The following WDFY2 variants were observed in gnomAD, a reference collection of about 807,000 sequenced individuals.
WDFY2 encodes the protein WD repeat and FYVE domain containing 2, also known as WD repeat and FYVE domain-containing protein 2.
Under a neutral mutation model 56.4 loss-of-function variants are expected in WDFY2, and 36 were observed. The ratio of observed to expected loss-of-function variants is 0.64; its 90% CI spans 0.49 to 0.84. WDFY2 has a LOEUF of 0.84. Ranked by LOEUF, WDFY2 falls within the 40% of genes least tolerant of loss-of-function variation. The pLI is 0.00. For synonymous variants in WDFY2, 176 were observed against 183.7 expected, an observed-to-expected ratio of 0.96 and a Z score of 0.34; for missense variants, 444 against 512.2, an observed-to-expected ratio of 0.87 and a Z score of 1.29.
intron 1 of WDFY2, among the ~76,000 whole-genome samples, chr13:51,621,768 T>G (rs966577877): frequency 3.9e-5 from 6 of 152,194 alleles, no homozygotes; most frequent in African/African-American, 1.4e-4. Flanking sequence ...TCAGAAAAAA[T>G]GCAGTTAAGA....
chr13:51,750,349 T>C (rs565523824), intron 7 of WDFY2, among the ~76,000 whole-genome samples: 9 of 152,142 alleles, frequency 5.9e-5, no homozygotes, highest in Admixed American at 5.9e-4. Flanking sequence ...CAGCAAGAGG[T>C]GAAGGCTTTT....
Position 51,703,591 on chromosome 13 carries a change from T to C in WDFY2, c.280-5T>C, listed in dbSNP as rs1322379121. On this transcript the variant is annotated splice_polypyrimidine_tract_variant and splice_region_variant and intron_variant, in intron 3 of 11. Transcript: ENST00000298125. Reference sequence around the variant, plus strand: ...TTTGTTTAATAGTTTTCTTTTCTTTTACAGGAGTTTATATTGTCAGAAGAT... The same window carrying C: ...TTTGTTTAATAGTTTTCTTTTCTTTCACAGGAGTTTATATTGTCAGAAGAT... The C allele has an allele frequency of 1.3e-6, 2 of 1,594,796 alleles. No individual in the cohort carries two copies. Among genetic ancestry groups the C allele is most frequent in the East Asian group, 2.2e-5 (1 of 44,644 alleles).
In WDFY2 at chr13:51,755,473, A is replaced by G. The variant is rs143718489; in HGVS notation, c.933+14A>G. On this transcript the variant is annotated intron_variant, in intron 9 of 11. Coordinates refer to ENST00000298125, the MANE Select transcript of WDFY2 (RefSeq NM_052950.4). Reference sequence around the variant, plus strand: ...GGTCTAAGACAGGTGAGTGATATGGATGCTTCATCAAAATGTAATTATATG... The same window carrying G: ...GGTCTAAGACAGGTGAGTGATATGGGTGCTTCATCAAAATGTAATTATATG... 269 of 1,607,426 alleles carry G rather than the reference A, an allele frequency of 1.7e-4. No homozygotes were observed. The African/African-American group carries it at 3.0e-3, about 18-fold the overall frequency.
At chr13:51,615,889 T>G (rs988849024) in intron 1 of WDFY2, among the ~76,000 whole-genome samples, 1 of 152,256 alleles carries the variant, frequency 6.6e-6, no homozygotes, top group African/African-American at 2.4e-5. Context: ...GTGTGTGTTT[T>G]GCAAGGATGG....
intron 2 of WDFY2, among the ~76,000 whole-genome samples, chr13:51,670,362 A>G (rs1470664891): frequency 6.6e-6 from 1 of 152,172 alleles, no homozygotes; most frequent in African/African-American, 2.4e-5. Context: ...AGGCATCAAT[A>G]TTCTTTTGAA....
rs201550578 is a variant in WDFY2 at position 51,629,798 on chromosome 13, AT to A, written c.138-30789del. On this transcript the variant is annotated intron_variant, in intron 1 of 11. Coordinates refer to ENST00000298125, the MANE Select transcript of WDFY2 (RefSeq NM_052950.4). ...AGTAACGGTTCTCTTTAGTTCTTTG[AT>A]TTTTTTTTCTTTTCTTTCTTTCTTT... Among the ~76,000 whole-genome samples the A allele has an allele frequency of 2.6e-3, 282 of 109,962 alleles. 2 individuals are homozygous for A. Among genetic ancestry groups the A allele is most frequent in the African/African-American group, 9.0e-3 (269 of 29,860 alleles). 72.1% of individuals were successfully genotyped at this position (109,962 alleles called of 152,430 possible). A position where few individuals can be genotyped will look rare whatever the true frequency, so the allele number is the denominator to read the frequency against.
At chr13:51,704,377 TG>T (rs1952043380) in intron 4 of WDFY2, among the ~76,000 whole-genome samples, 1 of 152,240 alleles carries the variant, frequency 6.6e-6, no homozygotes, top group Non-Finnish European at 1.5e-5. Context: ...GAGTGTCTAT[TG>T]TGTTCTGGTA....
In WDFY2 at chr13:51,607,540, G is replaced by GTT. The variant is rs377054774; in HGVS notation, c.137+22725_137+22726dup. Reference sequence around the variant, plus strand: ...ATTACAAGAAATATCAAAGTTGAGTGTTTTTTTTTTCTTTCTGAGTCATAC... The same window carrying GTT: ...ATTACAAGAAATATCAAAGTTGAGTGTTTTTTTTTTTTCTTTCTGAGTCATAC... On this transcript the variant is annotated intron_variant, in intron 1 of 11. Coordinates refer to ENST00000298125, the MANE Select transcript of WDFY2 (RefSeq NM_052950.4). Among the ~76,000 whole-genome samples the GTT allele has an allele frequency of 1.4e-5, 2 of 147,838 alleles. 1 individual carries two copies. Among genetic ancestry groups the GTT allele is most frequent in the South Asian group, 4.3e-4 (2 of 4,698 alleles).
chr13:51,670,901 C>G (rs990694911), intron 2 of WDFY2, among the ~76,000 whole-genome samples: 24 of 152,126 alleles, frequency 1.6e-4, no homozygotes, highest in Admixed American at 1.2e-3. Context: ...TCCCCAAACT[C>G]CCTTGTATTA....
chr13:51,729,426 A>C (rs909933220), intron 6 of WDFY2, among the ~76,000 whole-genome samples: 2 of 151,780 alleles, frequency 1.3e-5, no homozygotes, highest in African/African-American at 2.4e-5. Flanking sequence ...AAAAAAAAAA[A>C]ACCACATATT....
At chr13:51,692,514 T>C (rs1951763433) in intron 3 of WDFY2, among the ~76,000 whole-genome samples, 1 of 152,252 alleles carries the variant, frequency 6.6e-6, no homozygotes, top group Non-Finnish European at 1.5e-5. Flanking sequence ...TTGCGTATAT[T>C]GAACCAGCCT....
intron 4 of WDFY2, among the ~76,000 whole-genome samples, chr13:51,711,537 C>T (rs899689152): frequency 6.6e-6 from 1 of 152,070 alleles, no homozygotes; most frequent in African/African-American, 2.4e-5. Context: ...TACAATCTAC[C>T]CATCTGACAA....
At chr13:51,683,989 G>T (rs182575770) in intron 3 of WDFY2, among the ~76,000 whole-genome samples, 7 of 152,168 alleles carry the variant, frequency 4.6e-5, no homozygotes, top group African/African-American at 1.7e-4. Context: ...TTGAATGCAG[G>T]CTCCACACCT....
intron 7 of WDFY2, among the ~76,000 whole-genome samples, chr13:51,740,119 CTAAA>C (rs1413691491): frequency 6.6e-6 from 1 of 152,200 alleles, no homozygotes; most frequent in Non-Finnish European, 1.5e-5. Flanking sequence ...AAATATTCTC[CTAAA>C]TAGTTAAATC....
At chr13:51,638,780 A>G (rs1489190048) in intron 1 of WDFY2, among the ~76,000 whole-genome samples, 1 of 152,254 alleles carries the variant, frequency 6.6e-6, no homozygotes, top group African/African-American at 2.4e-5. Flanking sequence ...ATACTGATGC[A>G]TAATATGCAG....
chr13:51,730,698 G>C (rs1232516830), intron 6 of WDFY2, among the ~76,000 whole-genome samples: 1 of 152,210 alleles, frequency 6.6e-6, no homozygotes, highest in African/African-American at 2.4e-5. Context: ...TCAGGAGTCT[G>C]CCTGACCTCA....
chr13:51,625,058 A>G (rs1227654674), intron 1 of WDFY2, among the ~76,000 whole-genome samples: 2 of 152,198 alleles, frequency 1.3e-5, no homozygotes, highest in African/African-American at 2.4e-5. Flanking sequence ...GGTAGTATCA[A>G]CTGACTGTTG....
intron 1 of WDFY2, among the ~76,000 whole-genome samples, chr13:51,626,234 G>A (rs189990141): frequency 6.6e-6 from 1 of 152,318 alleles, no homozygotes; most frequent in African/African-American, 2.4e-5. Flanking sequence ...ACTTGAGGCA[G>A]CATTTGTACA....
chr13:51,671,661 A>AT (rs1444608399), intron 2 of WDFY2, among the ~76,000 whole-genome samples: 4 of 142,030 alleles, frequency 2.8e-5, no homozygotes, highest in Non-Finnish European at 6.1e-5. Flanking sequence ...AATTGCTAAG[A>AT]TTTTTTTCCC....
Sources: gnomAD v4.1 joint callset for allele counts (sites outside exome capture counted in the v4.1 genomes callset) on GRCh38, gnomAD v4.1.1 for gene constraint, MANE v1.5 for transcripts, NCBI Gene and HGNC (gene_info 2026-07-23, HGNC 2026-07-21) for gene names.